The following RNASEH1 variants were observed in gnomAD, a reference collection of about 807,000 sequenced individuals.
RNASEH1 encodes ribonuclease H type II.
Under a neutral mutation model 34.6 loss-of-function variants are expected in RNASEH1, and 27 were observed. The observed-to-expected ratio is 0.78, with a 90% CI of 0.58 to 1.08. The LOEUF is 1.08. Among genes scored for constraint, RNASEH1 ranks in the 50% least tolerant of loss-of-function variants. The pLI is 0.00. For missense variants in RNASEH1, 349 were observed against 373.6 expected (o/e 0.93, Z 0.54); for synonymous variants, 162 against 138.4 (o/e 1.17, Z -1.20).
At chr2:3,535,771 GGCT>G in the RNASEH1 span, among the ~76,000 whole-genome samples, 2 of 152,232 alleles carry the variant, frequency 1.3e-5, no homozygotes, top group African/African-American at 2.4e-5. Context: ...GTGCCATCCT[GGCT>G]GCTACCTGGA....
chr2:3,550,274 TGCA>T, intron 4 of RNASEH1, 96 bp downstream of exon 4: 1 of 1,010,142 alleles, frequency 9.9e-7, no homozygotes, highest in Non-Finnish European at 1.6e-6. Flanking sequence ...GCTACTTATC[TGCA>T]GGTTTTCCCA....
chr2:3,554,135 G>C (rs890174600), intron 2 of RNASEH1, among the ~76,000 whole-genome samples: 1 of 152,192 alleles, frequency 6.6e-6, no homozygotes, highest in African/African-American at 2.4e-5. Flanking sequence ...CCCTAAGGGC[G>C]CCGGGCAACA....
At chr2:3,532,376 A>G in the RNASEH1 span, 5 of 702,162 alleles carry the variant, frequency 7.1e-6, no homozygotes, top group Non-Finnish European at 1.3e-5. Context: ...AGAGGGCCCG[A>G]TCAGAACGTT....
rs1411982017 is a variant in RNASEH1, at chr2:3,552,258, G to C, written c.295C>G (p.Leu99Val). Residue 99 changes from leucine (L) to valine (V), a missense_variant, in exon 3 of 8, where the codon CTC (leucine) becomes GTC (valine). This residue lies in a region of RNASEH1 where 256 missense variants were observed against 240.7 expected (regional missense o/e 1.06). Transcript: ENST00000315212. The part of the protein sequence containing the change: ...QESEAKASKR[L>V]REPLDGDGHE... ...CCATCTCCATCCAGTGGCTCACGGA[G>C]TCGCTTGCTGGCTTTCGCCTCCGAT... The C allele has an allele frequency of 6.2e-7, 1 of 1,613,996 alleles. No individual in the cohort carries two copies. Among genetic ancestry groups the C allele is most frequent in the African/African-American group, 1.3e-5 (1 of 74,928 alleles).
chr2:3,553,827 C>T (rs952471682), intron 2 of RNASEH1, among the ~76,000 whole-genome samples: 2 of 152,194 alleles, frequency 1.3e-5, no homozygotes, highest in African/African-American at 4.8e-5. Context: ...TTGTGCTATA[C>T]CTTTTATCAG....
chr2:3,552,337 G>A (rs769368631), intron 2 of RNASEH1, 29 bp from the exon 3 acceptor site: 20 of 1,602,882 alleles, frequency 1.2e-5, no homozygotes, highest in Non-Finnish European at 1.5e-5. Context: ...CTCGTGAGCT[G>A]GAAACAATGA....
chr2:3,558,280 G>A lies in RNASEH1; in HGVS notation c.-20C>T, dbSNP rs575630133. Reference sequence around the variant, plus strand: ...GCTCATCGCTCACTCCCGGCACCGGGAAGCATTTCGACTCCCGGCCCAGCG... The same window carrying A: ...GCTCATCGCTCACTCCCGGCACCGGAAAGCATTTCGACTCCCGGCCCAGCG... On this transcript the variant is annotated 5_prime_UTR_variant, in exon 1 of 8. Coordinates refer to ENST00000315212, the MANE Select transcript of RNASEH1 (RefSeq NM_002936.6). 9.0e-5 allele frequency: 138 copies of A among 1,540,316 alleles called. 1 individual carries two copies. The East Asian group carries it at 2.4e-3, about 26-fold the overall frequency.
intron 3 of RNASEH1, among the ~76,000 whole-genome samples, chr2:3,551,364 C>G (rs866402504): frequency 6.6e-6 from 1 of 152,228 alleles, no homozygotes; most frequent in African/African-American, 2.4e-5. Flanking sequence ...ACCTGCTATC[C>G]GCCATGTTCC....
intron 7 of RNASEH1, among the ~76,000 whole-genome samples, chr2:3,547,334 C>T (rs1668848020): frequency 6.6e-6 from 1 of 152,026 alleles, no homozygotes; most frequent in African/African-American, 2.4e-5. Context: ...GTGCCACTAC[C>T]CCTGGCTAAT....
downstream of RNASEH1, among the ~76,000 whole-genome samples, chr2:3,537,510 C>T (rs1279416241): frequency 6.6e-6 from 1 of 151,762 alleles, no homozygotes; most frequent in Non-Finnish European, 1.5e-5. Context: ...ATTGCTTGAG[C>T]CCAGAAGTTG....
chr2:3,550,381 G>C lies in RNASEH1; in HGVS notation c.501C>G (p.Gly167=). ...AGCTTCGTTTAACTTACAAAGGATG[G>C]CCTGGCCCCCAGTAAACGCCGATTC... ...RAGIGVYWGP[G]HPLNVGIRLP... Residue 167 remains glycine, a synonymous_variant, in exon 4 of 8, where the codon GGC becomes GGG. Transcript: ENST00000315212. The C allele has an allele frequency of 1.2e-6, 2 of 1,612,270 alleles. No homozygotes were observed.
chr2:3,540,324 C>T (rs1668228927), downstream of RNASEH1, among the ~76,000 whole-genome samples: 1 of 151,892 alleles, frequency 6.6e-6, no homozygotes, highest in South Asian at 2.1e-4. Context: ...AAAAAATTGC[C>T]CCCTAAAAAT....
At chr2:3,535,670 G>C in the RNASEH1 span, among the ~76,000 whole-genome samples, 1 of 152,104 alleles carries the variant, frequency 6.6e-6, no homozygotes, top group Non-Finnish European at 1.5e-5. Flanking sequence ...TGTGGGTGTG[G>C]GGGAGGAATT....
rs547423121 is a variant in RNASEH1 at position 3,544,947 on chromosome 2, G to T, written c.*838C>A. 1.3e-5 allele frequency: 2 copies of T among 151,790 alleles called. No homozygotes were observed. The highest frequency in any genetic ancestry group is 2.4e-5 in the African/African-American group (1 of 41,304). The allele number at this position is 151,790 out of a possible 1,614,324, so 9.4% of individuals were successfully genotyped here. ...GTGCCACCACACCTGGATAATTTTT[G>T]TAATTTTAGTAGAGACAGGGTTTCG... On this transcript the variant is annotated 3_prime_UTR_variant, in exon 8 of 8. Transcript: ENST00000315212.
downstream of RNASEH1, among the ~76,000 whole-genome samples, chr2:3,537,978 G>A (rs375894059): frequency 7.9e-5 from 12 of 151,310 alleles, no homozygotes; most frequent in South Asian, 8.3e-4. Context: ...CGGAGGTTGC[G>A]GTCAGTTGAG....
intron 5 of RNASEH1, 148 bp from the exon 6 acceptor site, chr2:3,548,872 T>C: frequency 2.6e-6 from 2 of 758,704 alleles, no homozygotes; most frequent in South Asian, 1.7e-5. Flanking sequence ...TTCTCCTGTG[T>C]AGACATCTAT....
Position 3,542,470 on chromosome 2 carries a change from T to C in RNASEH1, c.*3315A>G, listed in dbSNP as rs1668383930. Among the ~76,000 whole-genome samples, 1 of 152,228 alleles carries C rather than the reference T, an allele frequency of 6.6e-6. No individual in the cohort carries two copies. The highest frequency in any genetic ancestry group is 2.4e-5 in the African/African-American group (1 of 41,458). On this transcript the variant is annotated 3_prime_UTR_variant, in exon 8 of 8. Transcript: ENST00000315212. ...AAGAAAATCTGGGCCAAGAATTTCG[T>C]ATCCAGCAAAACTGAATTCAACATC...
intron 2 of RNASEH1, among the ~76,000 whole-genome samples, chr2:3,555,012 C>T (rs1237156980): frequency 6.6e-6 from 1 of 152,146 alleles, no homozygotes; most frequent in Non-Finnish European, 1.5e-5. Context: ...GACAGTGGTC[C>T]GTTCCCAAAA....
the RNASEH1 span, among the ~76,000 whole-genome samples, chr2:3,535,017 C>G: frequency 5.9e-5 from 9 of 152,164 alleles, no homozygotes; most frequent in Non-Finnish European, 1.2e-4. Context: ...GTGTCCAACA[C>G]GAACAGAGCT....
Sources: gnomAD v4.1 joint callset for allele counts (sites outside exome capture counted in the v4.1 genomes callset) on GRCh38, gnomAD v4.1.1 for gene constraint, gnomAD v4.1.1 regional missense constraint, MANE v1.5 for transcripts, NCBI Gene and HGNC (gene_info 2026-07-23, HGNC 2026-07-21) for gene names.